The following MAN2A1 variants were observed in gnomAD, a reference collection of about 807,000 sequenced individuals.
The protein encoded by MAN2A1 is mannosidase alpha class 2A member 1, also known as alpha-mannosidase 2.
A neutral mutation model predicts 142.6 loss-of-function variants in MAN2A1; 76 were observed. That is an observed-to-expected ratio of 0.53 (90% CI 0.44 to 0.65). MAN2A1 has a LOEUF of 0.65. Among genes scored for constraint, MAN2A1 ranks in the 30% least tolerant of loss-of-function variants. MAN2A1 has a pLI of 0.00. For synonymous variants in MAN2A1, 559 were observed against 473.2 expected, an observed-to-expected ratio of 1.18 and a Z score of -2.35; for missense variants, 1,311 against 1,365.1, an observed-to-expected ratio of 0.96 and a Z score of 0.62.
Position 109,850,381 on chromosome 5 carries a change from G to T in MAN2A1, c.2976+2591G>T, listed in dbSNP as rs9686908. ...TCATTTTCATTTGTCCTTATATTTG[G>T]TAGACATTCTTTAAACAAAATACTA... On this transcript the variant is annotated intron_variant, in intron 19 of 21. Transcript: ENST00000261483. Among the ~76,000 whole-genome samples the T allele has an allele frequency of 2.2e-3, 339 of 151,596 alleles. 3 individuals carry two copies. Among genetic ancestry groups the T allele is most frequent in the African/African-American group, 8.1e-3 (334 of 41,290 alleles).
rs1754906742 is a variant in MAN2A1 at position 109,831,555 on chromosome 5, G to T, written c.2566+7718G>T. The stretch of plus-strand genomic sequence containing the variant: ...CTTTATACATTTAAATAATTGCAAA[G>T]GATGTTATTTTGGTGTATTGTACAT... On this transcript the variant is annotated intron_variant, in intron 16 of 21. Coordinates refer to ENST00000261483, the MANE Select transcript of MAN2A1 (RefSeq NM_002372.4). 2.6e-5 allele frequency among the ~76,000 whole-genome samples: 4 copies of T among 152,140 alleles called. No individual in the cohort carries two copies. In the South Asian group the frequency reaches 8.3e-4, roughly 31 times the overall value.
At chr5:109,696,104 T>C (rs968838409) in intron 1 of MAN2A1, among the ~76,000 whole-genome samples, 1 of 151,730 alleles carries the variant, frequency 6.6e-6, no homozygotes, top group African/African-American at 2.4e-5. Flanking sequence ...ATCTAGTATA[T>C]ATCTTTTTTT....
intron 1 of MAN2A1, among the ~76,000 whole-genome samples, chr5:109,708,328 G>A (rs903948961): frequency 6.6e-5 from 10 of 152,130 alleles, no homozygotes; most frequent in Non-Finnish European, 1.5e-4. Flanking sequence ...AGTTTTGGTG[G>A]AGTGGTGAGC....
chr5:109,845,852 T>A lies in MAN2A1; in HGVS notation c.2701-13T>A. 1 of 1,602,620 alleles carries A rather than the reference T, an allele frequency of 6.2e-7. No homozygotes were observed. The highest frequency in any genetic ancestry group is 1.1e-5 in the South Asian group (1 of 89,188). On this transcript the variant is annotated splice_polypyrimidine_tract_variant and intron_variant, in intron 17 of 21. Coordinates refer to ENST00000261483, the MANE Select transcript of MAN2A1 (RefSeq NM_002372.4). ...ATATCACTTTTTGTAGATGGAATTG[T>A]TGTGTTTTATAGATTCAACCTAGAA...
At chr5:109,728,401 A>G (rs1751804128) in intron 3 of MAN2A1, among the ~76,000 whole-genome samples, 1 of 152,186 alleles carries the variant, frequency 6.6e-6, no homozygotes. Context: ...CAGCTTGGAT[A>G]TACAGGAACT....
Position 109,690,143 on chromosome 5 carries a change from G to A in MAN2A1, c.-275G>A, listed in dbSNP as rs1024235576. 2.4e-6 allele frequency: 1 copy of A among 422,288 alleles called. No individual in the cohort carries two copies. Among genetic ancestry groups the A allele is most frequent in the Middle Eastern group, 6.8e-4 (1 of 1,478 alleles). The allele number at this position is 422,288 out of a possible 1,614,324, so 26.2% of individuals were successfully genotyped here. On this transcript the variant is annotated 5_prime_UTR_variant, in exon 1 of 22. Transcript: ENST00000261483. ...AGGTCGGCGCTGAGCTTGCGATCAA[G>A]TTTGTGGGGGCCCCCCTTCCCAGTT...
At chr5:109,694,907 A>G (rs982866345) in intron 1 of MAN2A1, among the ~76,000 whole-genome samples, 10 of 152,350 alleles carry the variant, frequency 6.6e-5, no homozygotes, top group African/African-American at 2.2e-4. Context: ...TTTATAAACA[A>G]TAGCACTTGG....
chr5:109,748,461 A>G (rs964932521), intron 4 of MAN2A1, among the ~76,000 whole-genome samples: 1 of 151,560 alleles, frequency 6.6e-6, no homozygotes, highest in Admixed American at 6.6e-5. Context: ...AATAGGAACA[A>G]TCAGTGTTAA....
chr5:109,767,669 C>A lies in MAN2A1; in HGVS notation c.970C>A (p.Leu324Met). 1 of 1,613,334 alleles carries A rather than the reference C, an allele frequency of 6.2e-7. No homozygotes were observed. The highest frequency in any genetic ancestry group is 8.5e-7 in the Non-Finnish European group (1 of 1,179,620). ...VHYAVKKHFALHKTLEFFWRQ... is the reference protein window; with the variant it reads ...VHYAVKKHFAMHKTLEFFWRQ... ...TTATGCAGTTAAAAAACACTTTGCACTGCATAAAACATTGGAGTTTTTTTG... is the reference window on the plus strand; with the variant it reads ...TTATGCAGTTAAAAAACACTTTGCAATGCATAAAACATTGGAGTTTTTTTG... The change falls in exon 6 of 22, where the codon CTG becomes ATG. Residue 324 changes from leucine to methionine, a missense_variant. This residue lies in a region of MAN2A1 where 409 missense variants were observed against 412.7 expected (regional missense o/e 0.99). Coordinates refer to ENST00000261483, the MANE Select transcript of MAN2A1 (RefSeq NM_002372.4).
intron 15 of MAN2A1, 146 bp from the exon 16 acceptor site, chr5:109,823,577 T>G: frequency 1.9e-6 from 1 of 540,180 alleles, no homozygotes; most frequent in Non-Finnish European, 3.2e-6. Flanking sequence ...ACATGCATAT[T>G]TTGTTACCTT....
At chr5:109,747,472 C>G (rs193237908) in intron 4 of MAN2A1, among the ~76,000 whole-genome samples, 55 of 152,186 alleles carry the variant, frequency 3.6e-4, no homozygotes, top group African/African-American at 1.2e-3. Flanking sequence ...GTTAACTTGA[C>G]TAATCTCTTA....
intron 16 of MAN2A1, among the ~76,000 whole-genome samples, chr5:109,836,129 G>A (rs1055042296): frequency 2.7e-5 from 4 of 150,522 alleles, no homozygotes; most frequent in East Asian, 2.0e-4. Context: ...TTATTTTTGC[G>A]ATGGAGTCCC....
intron 12 of MAN2A1, among the ~76,000 whole-genome samples, chr5:109,802,103 C>T (rs1381580075): frequency 1.3e-5 from 2 of 152,090 alleles, no homozygotes; most frequent in Non-Finnish European, 2.9e-5. Context: ...TTTCTTGCCT[C>T]TTTCATTTCT....
intron 7 of MAN2A1, 118 bp downstream of exon 7, chr5:109,770,659 T>A (rs1753122064): frequency 2.2e-6 from 2 of 912,138 alleles, no homozygotes; most frequent in Admixed American, 5.3e-5. Flanking sequence ...GTTTGAAGTA[T>A]TCATTCAAAC....
intron 1 of MAN2A1, among the ~76,000 whole-genome samples, chr5:109,712,979 C>T (rs1751345177): frequency 6.6e-6 from 1 of 152,110 alleles, no homozygotes; most frequent in Admixed American, 6.6e-5. Flanking sequence ...TGAATGACTT[C>T]GGGTATGGTT....
chr5:109,731,916 G>A (rs201669178), intron 4 of MAN2A1, among the ~76,000 whole-genome samples: 3 of 150,252 alleles, frequency 2.0e-5, no homozygotes, highest in Admixed American at 6.6e-5. Context: ...TTCTAGTTCT[G>A]GATCCCTGAG....
intron 15 of MAN2A1, among the ~76,000 whole-genome samples, chr5:109,820,556 C>T: frequency 6.6e-6 from 1 of 152,184 alleles, no homozygotes; most frequent in East Asian, 1.9e-4. Flanking sequence ...CACCTGTAAT[C>T]CCAGCATTTT....
intron 16 of MAN2A1, among the ~76,000 whole-genome samples, chr5:109,839,303 A>G (rs1197341483): frequency 6.6e-6 from 1 of 152,196 alleles, no homozygotes; most frequent in Non-Finnish European, 1.5e-5. Context: ...TACTGAAAAG[A>G]GGGTTTGCAT....
chr5:109,736,565 G>C (rs1435841817), intron 4 of MAN2A1, among the ~76,000 whole-genome samples: 6 of 152,040 alleles, frequency 3.9e-5, no homozygotes, highest in Admixed American at 3.9e-4. Flanking sequence ...TACTTCTTGA[G>C]CATGAAAAAT....
Sources: gnomAD v4.1 joint callset for allele counts (sites outside exome capture counted in the v4.1 genomes callset) on GRCh38, gnomAD v4.1.1 for gene constraint, gnomAD v4.1.1 regional missense constraint, MANE v1.5 for transcripts, NCBI Gene and HGNC (gene_info 2026-07-23, HGNC 2026-07-21) for gene names.